The following LMF1 variants were observed in gnomAD, a reference collection of about 807,000 sequenced individuals.
The protein encoded by LMF1 is lipase maturation factor 1.
In LMF1, 68 loss-of-function variants were observed where a neutral mutation model predicts 60.6. The observed-to-expected ratio is 1.12, with a 90% CI of 0.92 to 1.37. The LOEUF (loss-of-function observed/expected upper bound fraction) is 1.37. Ranked by LOEUF, LMF1 falls within the 40% of genes most tolerant of loss-of-function variation. The pLI is 0.00. For missense variants in LMF1, 948 were observed against 767.2 expected, an observed-to-expected ratio of 1.24 and a Z score of -2.78; for synonymous variants, 418 against 324.7, an observed-to-expected ratio of 1.29 and a Z score of -3.09.
intron 1 of LMF1, among the ~76,000 whole-genome samples, chr16:968,064 C>T (rs1017117378): frequency 6.6e-6 from 1 of 152,200 alleles, no homozygotes; most frequent in South Asian, 2.1e-4. Flanking sequence ...CCCAGGACGC[C>T]CGCGGTATGC....
intron 10 of LMF1, chr16:855,673 G>A (rs561413000): frequency 2.6e-5 from 12 of 455,722 alleles, no homozygotes; most frequent in Middle Eastern, 3.3e-4. Flanking sequence ...ATCCATGGCA[G>A]AGCTGGGCCC....
In LMF1 at chr16:951,696, A is replaced by T. The variant is rs1034126106; in HGVS notation, c.503+2661T>A. On this transcript the variant is annotated intron_variant, in intron 2 of 10. Coordinates refer to ENST00000262301, the MANE Select transcript of LMF1 (RefSeq NM_022773.4). ...TGAACGATAAATGGGGAGCAGAGAG[A>T]AGCCTCCCACGCAGGTGGGCTCATG... is the stretch of plus-strand genomic sequence containing the variant. 4.4e-4 allele frequency among the ~76,000 whole-genome samples: 67 copies of T among 152,340 alleles called. 1 individual carries two copies. In the South Asian group the frequency reaches 0.013, roughly 31 times the overall value.
chr16:885,498 C>A (rs143519623), intron 5 of LMF1, among the ~76,000 whole-genome samples: 1 of 152,276 alleles, frequency 6.6e-6, no homozygotes, highest in African/African-American at 2.4e-5. Flanking sequence ...CTAAGAGATC[C>A]GCTTCAAACA....
At position 871,364 on chromosome 16, in the gene LMF1, T is replaced by C. The variant is rs767920037; in HGVS notation, c.898-23A>G. On this transcript the variant is annotated intron_variant, in intron 6 of 10. Transcript: ENST00000262301. ...GGCCTGTGGAGACGCCGCAGCTGAG[T>C]CTCGTGCAGGGGCTCGTGTGGGGCC... is the stretch of plus-strand genomic sequence containing the variant. 4 of 1,608,936 alleles carry C rather than the reference T, an allele frequency of 2.5e-6. No individual in the cohort carries two copies. In the South Asian group the frequency reaches 4.4e-5, roughly 18 times the overall value.
intron 5 of LMF1, among the ~76,000 whole-genome samples, chr16:880,538 T>TG (rs2070131699): frequency 6.6e-6 from 1 of 152,182 alleles, no homozygotes; most frequent in Admixed American, 6.5e-5. Context: ...GGCATGGTGG[T>TG]GCGTGCCTGT....
intron 4 of LMF1, among the ~76,000 whole-genome samples, chr16:895,153 T>TTGTGAGGCTCAGCCACCCACAC (rs2070627674): frequency 6.6e-6 from 1 of 151,632 alleles, no homozygotes; most frequent in Non-Finnish European, 1.5e-5. Flanking sequence ...CGGCGGGGGG[T>TTGTGAGGCTCAGCCACCCACAC]GCGGCCTGAG....
At chr16:937,012 C>T (rs2071966525) in intron 2 of LMF1, among the ~76,000 whole-genome samples, 1 of 152,114 alleles carries the variant, frequency 6.6e-6, no homozygotes, top group Admixed American at 6.5e-5. Flanking sequence ...GGGACCAAGG[C>T]CTGGAAGAGT....
chr16:942,074 T>C (rs1408001433), intron 2 of LMF1, among the ~76,000 whole-genome samples: 2 of 152,268 alleles, frequency 1.3e-5, no homozygotes, highest in Non-Finnish European at 2.9e-5. Context: ...AAGATATTCC[T>C]TTAACATTTC....
chr16:932,524 C>CTAAA (rs946812909), intron 3 of LMF1, among the ~76,000 whole-genome samples: 2 of 152,302 alleles, frequency 1.3e-5, no homozygotes, highest in South Asian at 2.1e-4. Context: ...GTGTCAGGAC[C>CTAAA]TAAAGCTTTC....
chr16:975,977 G>GCAAGGGGCCTCATGAACTCTGTGGACATT (rs1555483704), upstream of LMF1: 370 of 452,948 alleles, frequency 8.2e-4, 3 homozygotes, highest in African/African-American at 3.9e-3. Context: ...GACATTCCGG[G>GCAAGGGGCCTCATGAACTCTGTGGACATT]CAAGGGGCCT....
intron 3 of LMF1, among the ~76,000 whole-genome samples, chr16:913,913 C>G (rs1414044580): frequency 6.6e-6 from 1 of 152,230 alleles, no homozygotes; most frequent in Non-Finnish European, 1.5e-5. Context: ...GACAGGGATT[C>G]TGACGCCTCG....
intron 5 of LMF1, among the ~76,000 whole-genome samples, chr16:882,893 G>A (rs1182651359): frequency 6.6e-6 from 1 of 151,088 alleles, no homozygotes; most frequent in Non-Finnish European, 1.5e-5. Context: ...GAGCCACCCA[G>A]CGGAGCCCAT....
chr16:981,160 C>G (rs1444519623), exon 1 of LMF1: 1 of 453,398 alleles, frequency 2.2e-6, no homozygotes, highest in Admixed American at 2.4e-5. Flanking sequence ...CGTGCGCTGT[C>G]CGCAGACTCT....
intron 2 of LMF1, among the ~76,000 whole-genome samples, chr16:945,949 C>T (rs535667776): frequency 1.3e-5 from 2 of 152,326 alleles, no homozygotes; most frequent in Admixed American, 1.3e-4. Flanking sequence ...CTCCCCCCGG[C>T]GTCCAGCTGC....
intron 4 of LMF1, among the ~76,000 whole-genome samples, chr16:896,907 T>C (rs2070679458): frequency 6.6e-6 from 1 of 152,138 alleles, no homozygotes; most frequent in South Asian, 2.1e-4. Flanking sequence ...ACATTGCACA[T>C]GTCAGATTTT....
intron 2 of LMF1, chr16:934,531 G>A (rs2071886013): frequency 2.2e-6 from 1 of 464,276 alleles, no homozygotes; most frequent in Admixed American, 3.7e-5. Context: ...GCGAATGAGT[G>A]AATTAATACT....
rs965129151 is a variant in LMF1, at chr16:878,339, G to A, written c.897+1231C>T. 1.1e-4 allele frequency among the ~76,000 whole-genome samples: 16 copies of A among 152,198 alleles called. No individual in the cohort carries two copies. Among genetic ancestry groups the A allele is most frequent in the African/African-American group, 3.6e-4 (15 of 41,526 alleles). On this transcript the variant is annotated intron_variant, in intron 6 of 10. Transcript: ENST00000262301. The surrounding 1 kb of genome is among the most constrained non-coding windows in gnomAD (Gnocchi z 5.2). ...GTGCCAGCCTCCAAGCAGCTAACGC[G>A]GAAAAGCCCGAGGGAGTCAGGAGCT...
intron 10 of LMF1, among the ~76,000 whole-genome samples, chr16:863,969 C>T (rs1010100000): frequency 6.6e-6 from 1 of 152,190 alleles, no homozygotes; most frequent in Non-Finnish European, 1.5e-5. Flanking sequence ...TTAGGCCCTG[C>T]CTGTCGATGA....
At chr16:883,186 G>T (rs540697532) in intron 5 of LMF1, among the ~76,000 whole-genome samples, 3 of 150,120 alleles carry the variant, frequency 2.0e-5, no homozygotes, top group Admixed American at 2.0e-4. Context: ...GGAGAAAGAG[G>T]AGCTGCTCAG....
Sources: gnomAD v4.1 joint callset for allele counts (sites outside exome capture counted in the v4.1 genomes callset) on GRCh38, gnomAD v4.1.1 for gene constraint, Gnocchi (gnomAD v3.1) non-coding constraint, MANE v1.5 for transcripts, NCBI Gene and HGNC (gene_info 2026-07-23, HGNC 2026-07-21) for gene names.